Variants in PLIN2 observed in about 807,000 individuals in gnomAD.
PLIN2 encodes perilipin-2.
PLIN2 carries 33 observed loss-of-function variants against 30.6 expected under a neutral mutation model. The observed-to-expected ratio is 1.08, with a 90% CI of 0.82 to 1.44. PLIN2 has a LOEUF of 1.44. Among genes scored for constraint, PLIN2 ranks in the 40% most tolerant of loss-of-function variants. The pLI, the probability that PLIN2 is intolerant of heterozygous loss-of-function variation, is 0.00. For synonymous variants in PLIN2, 205 were observed against 201.1 expected (o/e 1.02, Z -0.16); for missense variants, 610 against 531.8 (o/e 1.15, Z -1.45).
At chr9:19,110,021 T>G (rs576933643) in intron 2 of PLIN2, among the ~76,000 whole-genome samples, 52 of 151,798 alleles carry the variant, frequency 3.4e-4, no homozygotes, top group South Asian at 1.9e-3. Flanking sequence ...TTATTGTGGG[T>G]TTTTTTGTTT....
chr9:19,122,579 ATACACCATATAGCCTAGGTATATAGCAGG>A, intron 4 of PLIN2, among the ~76,000 whole-genome samples: 1 of 67,434 alleles, frequency 1.5e-5, no homozygotes, highest in African/African-American at 4.7e-5. Context: ...ATAGCAGGCT[ATACACCATATAGCCTAGGTATATAGCAGG>A]CTATACACCA....
chr9:19,121,760 C>T (rs963469624), intron 4 of PLIN2, among the ~76,000 whole-genome samples: 21 of 152,108 alleles, frequency 1.4e-4, no homozygotes, highest in African/African-American at 4.3e-4. Flanking sequence ...GGTGAAACCC[C>T]GTCTCTACTA....
At chr9:19,117,838 C>T (rs1039887662) in intron 7 of PLIN2, among the ~76,000 whole-genome samples, 4 of 151,808 alleles carry the variant, frequency 2.6e-5, no homozygotes, top group South Asian at 2.1e-4. Context: ...AGGATGGTCT[C>T]GATCTCCTGA....
At chr9:19,125,022 AG>A (rs748752761) in intron 3 of PLIN2, among the ~76,000 whole-genome samples, 9 of 152,230 alleles carry the variant, frequency 5.9e-5, no homozygotes, top group Non-Finnish European at 1.0e-4. Context: ...TATCCAGCAT[AG>A]GCAAATCTAT....
Position 19,126,297 on chromosome 9 carries a change from G to GCAATCAA in PLIN2, c.42_43insTTGATTG (p.Arg15LeufsTer15). ...CTCACCAAGGGCAGGTTGACCACCC[G>GCAATCAA]AGTCACCACACTCTGCAATCAAAGT... is the stretch of plus-strand genomic sequence containing the variant. On this transcript the variant is annotated frameshift_variant, in exon 3 of 8. Transcript: ENST00000276914. LOFTEE classifies it high-confidence loss of function. 2 of 1,613,854 alleles carry GCAATCAA rather than the reference G, an allele frequency of 1.2e-6. No homozygotes were observed. The highest frequency in any genetic ancestry group is 1.7e-6 in the Non-Finnish European group (2 of 1,179,818).
At chr9:19,120,641 T>G (rs1209928418) in intron 5 of PLIN2, among the ~76,000 whole-genome samples, 1 of 152,034 alleles carries the variant, frequency 6.6e-6, no homozygotes, top group East Asian at 1.9e-4. Flanking sequence ...GCCCAGGAGT[T>G]CGAGATCAGC....
rs749359176 is a variant in PLIN2, at chr9:19,118,461, C to T, written c.778-6G>A. 3.8e-5 allele frequency: 61 copies of T among 1,611,116 alleles called. No individual in the cohort carries two copies. Among genetic ancestry groups the T allele is most frequent in the Non-Finnish European group, 5.1e-5 (60 of 1,179,184 alleles). Reference sequence around the variant, plus strand: ...TTCTTCCTGGCAAATTCAATCTAGACACATTGAAACAAGACAAAGGAACAC... The same window carrying T: ...TTCTTCCTGGCAAATTCAATCTAGATACATTGAAACAAGACAAAGGAACAC... On this transcript the variant is annotated splice_region_variant and splice_polypyrimidine_tract_variant and intron_variant, in intron 6 of 7. Coordinates refer to ENST00000276914, the MANE Select transcript of PLIN2 (RefSeq NM_001122.4).
chr9:19,122,556 AT>A (rs1485867991), intron 4 of PLIN2, among the ~76,000 whole-genome samples: 7 of 32,794 alleles, frequency 2.1e-4, no homozygotes, highest in Non-Finnish European at 5.5e-4. Flanking sequence ...TATACACCAT[AT>A]AGCCTAGGTA....
chr9:19,109,965 A>G (rs1818137714), intron 2 of PLIN2, among the ~76,000 whole-genome samples: 1 of 151,918 alleles, frequency 6.6e-6, no homozygotes, highest in Admixed American at 6.6e-5. Flanking sequence ...ACAGGAAAAA[A>G]AAAAAAATCC....
chr9:19,116,226 T>C lies in PLIN2; in HGVS notation c.*22A>G, dbSNP rs1462251106. On this transcript the variant is annotated 3_prime_UTR_variant, in exon 8 of 8. Coordinates refer to ENST00000276914, the MANE Select transcript of PLIN2 (RefSeq NM_001122.4). ...AGGTGTCATCTGTCTGGCCACAGCA[T>C]GCACTAGTGATAGGGGCAGGTTTAA... 8 of 1,543,076 alleles carry C rather than the reference T, an allele frequency of 5.2e-6. No homozygotes were observed. The East Asian group carries it at 1.6e-4, about 31-fold the overall frequency.
chr9:19,109,801 C>G (rs1452817803), intron 2 of PLIN2, among the ~76,000 whole-genome samples: 2 of 151,228 alleles, frequency 1.3e-5, no homozygotes, highest in Non-Finnish European at 2.9e-5. Context: ...ACTAATAATA[C>G]AAAAATTAGC....
At chr9:19,111,525 A>C (rs1045175878), downstream of PLIN2, among the ~76,000 whole-genome samples, 18 of 151,732 alleles carry the variant, frequency 1.2e-4, no homozygotes, top group Admixed American at 3.9e-4. Flanking sequence ...GAAGTCCTTA[A>C]CCCTCACCAG....
At position 19,118,435 on chromosome 9, in the gene PLIN2, A is replaced by G. The variant is rs751946104; in HGVS notation, c.798T>C (p.Asn266=). 6.2e-7 allele frequency: 1 copy of G among 1,613,544 alleles called. No homozygotes were observed. Among genetic ancestry groups the G allele is most frequent in the Admixed American group, 1.7e-5 (1 of 59,916 alleles). The change falls in exon 7 of 8, where the codon AAT becomes AAC. Residue 266 remains asparagine (N), a synonymous_variant. Transcript: ENST00000276914. ...TVHLIEFARK[N]VYSANQKIQD... is the part of the protein sequence containing the mutation. ...GAATTTTCTGATTGGCACTATACACATTCTTCCTGGCAAATTCAATCTAGA... is the reference window on the plus strand; with the variant it reads ...GAATTTTCTGATTGGCACTATACACGTTCTTCCTGGCAAATTCAATCTAGA...
chr9:19,123,363 GGCTAGTTCTTCTCT>G, intron 4 of PLIN2, 188 bp downstream of exon 4: 2 of 1,550,774 alleles, frequency 1.3e-6, no homozygotes, highest in Non-Finnish European at 1.7e-6. Context: ...ATCCAAAGGA[GGCTAGTTCTTCTCT>G]GCTTCGTAGA....
At chr9:19,112,967 C>CT (rs80091463), downstream of PLIN2, among the ~76,000 whole-genome samples, 1,195 of 144,826 alleles carry the variant, frequency 8.3e-3, 13 homozygotes, top group African/African-American at 0.024. Context: ...GACTACAATT[C>CT]TTTTTTTTTT....
At position 19,116,156 on chromosome 9, in the gene PLIN2, T is replaced by C. The variant is rs189359818; in HGVS notation, c.*92A>G. ...GAGGGCCTTTATACTAGCTACTTGC[T>C]TCCCAATTTAGGGTTGCCTAGCAAG... On this transcript the variant is annotated 3_prime_UTR_variant, in exon 8 of 8. Coordinates refer to ENST00000276914, the MANE Select transcript of PLIN2 (RefSeq NM_001122.4). 3 of 1,289,520 alleles carry C rather than the reference T, an allele frequency of 2.3e-6. No individual in the cohort carries two copies. The East Asian group carries it at 7.0e-5, about 30-fold the overall frequency. 79.9% of individuals were successfully genotyped at this position (1,289,520 alleles called of 1,614,324 possible).
In PLIN2 at chr9:19,125,808, A is replaced by G. The variant is rs190636296; in HGVS notation, c.226+306T>C. 37 of 232,992 alleles carry G rather than the reference A, an allele frequency of 1.6e-4. No homozygotes were observed. The East Asian group carries it at 3.0e-3, about 19-fold the overall frequency. The allele number at this position is 232,992 out of a possible 1,614,324, so 14.4% of individuals were successfully genotyped here. On this transcript the variant is annotated intron_variant, in intron 3 of 7. Coordinates refer to ENST00000276914, the MANE Select transcript of PLIN2 (RefSeq NM_001122.4). ...CATGGTGGTGGGAGCCTGTAGTCCC[A>G]GCTACTCGGGAGGCTGAGGCAGGAG... is the stretch of plus-strand genomic sequence containing the variant.
chr9:19,123,592 C>T lies in PLIN2; in HGVS notation c.282G>A (p.Leu94=), dbSNP rs371577767. The change falls in exon 4 of 8, where the codon CTG becomes CTA. Residue 94 remains leucine, a synonymous_variant. Coordinates refer to ENST00000276914, the MANE Select transcript of PLIN2 (RefSeq NM_001122.4). ...GAGTTGATGGCTGATTCAGAATAGG[C>T]AGTCTCTCCTCAATCCTGTCTAGCC... ...CKGLDRIEER[L]PILNQPSTQI... The T allele has an allele frequency of 6.2e-7, 1 of 1,614,080 alleles. No individual in the cohort carries two copies. Among genetic ancestry groups the T allele is most frequent in the African/African-American group, 1.3e-5 (1 of 74,942 alleles).
At chr9:19,117,842 C>T (rs1359825156) in intron 7 of PLIN2, among the ~76,000 whole-genome samples, 1 of 152,108 alleles carries the variant, frequency 6.6e-6, no homozygotes. Context: ...TGGTCTCGAT[C>T]TCCTGACCTC....
Sources: gnomAD v4.1 joint callset for allele counts (sites outside exome capture counted in the v4.1 genomes callset) on GRCh38, gnomAD v4.1.1 for gene constraint, MANE v1.5 for transcripts, NCBI Gene and HGNC (gene_info 2026-07-23, HGNC 2026-07-21) for gene names.